Variants in TRHR observed in about 807,000 individuals in gnomAD.
The protein encoded by TRHR is thyrotropin-releasing hormone receptor.
TRHR carries 14 observed loss-of-function variants against 28.0 expected under a neutral mutation model. The observed-to-expected ratio is 0.50, with a 90% CI of 0.33 to 0.78. The LOEUF (loss-of-function observed/expected upper bound fraction) is 0.78, where lower values mean the gene tolerates loss of function less well. Ranked by LOEUF, TRHR falls within the 30% of genes least tolerant of loss-of-function variation. TRHR has a pLI of 0.02. For missense variants in TRHR, 438 were observed against 469.5 expected, an observed-to-expected ratio of 0.93 and a Z score of 0.62; for synonymous variants, 176 against 171.9, an observed-to-expected ratio of 1.02 and a Z score of -0.18.
intron 2 of TRHR, among the ~76,000 whole-genome samples, chr8:109,108,466 T>C (rs1268341015): frequency 6.6e-6 from 1 of 152,090 alleles, no homozygotes; most frequent in East Asian, 1.9e-4. Flanking sequence ...TTCAGAGAAG[T>C]GTTACAGCTA....
Position 109,119,457 on chromosome 8 carries a change from T to A in TRHR, c.*2T>A, listed in dbSNP as rs778523868. 3.1e-6 allele frequency: 5 copies of A among 1,611,418 alleles called. No homozygotes were observed. In the South Asian group the frequency reaches 5.5e-5, roughly 18 times the overall value. ...GAGGTATCCTTTAGCCAAAGTTGAT[T>A]CATGAATTAGAAGAAAATGGATGAC... On this transcript the variant is annotated 3_prime_UTR_variant, in exon 3 of 3. Coordinates refer to ENST00000518632, the MANE Select transcript of TRHR (RefSeq NM_003301.7).
At chr8:109,099,795 C>T (rs1811649101) in intron 2 of TRHR, among the ~76,000 whole-genome samples, 1 of 152,204 alleles carries the variant, frequency 6.6e-6, no homozygotes, top group South Asian at 2.1e-4. Context: ...GGATAGATTG[C>T]TCTGAATATA....
In TRHR at chr8:109,120,680, G is replaced by A. The variant is rs947282646; in HGVS notation, c.*1225G>A. 3.5e-4 allele frequency among the ~76,000 whole-genome samples: 53 copies of A among 151,812 alleles called. No homozygotes were observed. The highest frequency in any genetic ancestry group is 1.2e-3 in the African/African-American group (49 of 41,474). ...ACTGATTTCATCATATTATCAGTAT[G>A]TCATCTTTATATTTATGACTGACAT... On this transcript the variant is annotated 3_prime_UTR_variant, in exon 3 of 3. Transcript: ENST00000518632.
At position 109,119,858 on chromosome 8, in the gene TRHR, T is replaced by G. The variant is rs1378144587; in HGVS notation, c.*403T>G. On this transcript the variant is annotated 3_prime_UTR_variant, in exon 3 of 3. Transcript: ENST00000518632. ...TTATACATTCGATAATTTGACAACA[T>G]GCAGATTTTTAAATGTTTGCATTTA... Among the ~76,000 whole-genome samples, 2 of 151,914 alleles carry G rather than the reference T, an allele frequency of 1.3e-5. No individual in the cohort carries two copies. The highest frequency in any genetic ancestry group is 3.9e-4 in the East Asian group (2 of 5,166).
At chr8:109,089,034 C>G (rs1811486109) in intron 2 of TRHR, among the ~76,000 whole-genome samples, 1 of 152,140 alleles carries the variant, frequency 6.6e-6, no homozygotes, top group Non-Finnish European at 1.5e-5. Context: ...TTTTAGATCA[C>G]CTGAATGTGC....
At chr8:109,117,304 C>T (rs994214772) in intron 2 of TRHR, among the ~76,000 whole-genome samples, 2 of 152,036 alleles carry the variant, frequency 1.3e-5, no homozygotes, top group African/African-American at 2.4e-5. Flanking sequence ...TCACTTACTA[C>T]TCATGTGTCT....
intron 2 of TRHR, among the ~76,000 whole-genome samples, chr8:109,091,342 G>C (rs1287951696): frequency 6.6e-6 from 1 of 152,148 alleles, no homozygotes; most frequent in Non-Finnish European, 1.5e-5. Flanking sequence ...CCGATCAGTG[G>C]GAATGAGAAC....
intron 2 of TRHR, among the ~76,000 whole-genome samples, chr8:109,091,988 C>T (rs929354654): frequency 6.6e-6 from 1 of 152,204 alleles, no homozygotes; most frequent in African/African-American, 2.4e-5. Context: ...TACAATATCT[C>T]TATCATTGAC....
rs1811469817 is a variant in TRHR at position 109,088,229 on chromosome 8, C to T, written c.717C>T (p.Thr239=). The change falls in exon 2 of 3, where the codon ACC becomes ACT. Residue 239 remains threonine, a synonymous_variant. Transcript: ENST00000518632. ...CTAAGACATGGAAAAATGATTCAACCCATCAGAACACAAATCTGAATGTAA... is the reference window on the plus strand; with the variant it reads ...CTAAGACATGGAAAAATGATTCAACTCATCAGAACACAAATCTGAATGTAA... The part of the protein sequence containing the change: ...ENSKTWKNDS[T]HQNTNLNVNT... 6.2e-7 allele frequency: 1 copy of T among 1,613,996 alleles called. No homozygotes were observed. The highest frequency in any genetic ancestry group is 8.5e-7 in the Non-Finnish European group (1 of 1,180,002).
chr8:109,110,969 A>G (rs1163810584), intron 2 of TRHR, among the ~76,000 whole-genome samples: 1 of 152,166 alleles, frequency 6.6e-6, no homozygotes, highest in Non-Finnish European at 1.5e-5. Context: ...CAGCCTGGCC[A>G]ACATGGTAAA....
At position 109,087,871 on chromosome 8, in the gene TRHR, C is replaced by G. The variant is rs1301803146; in HGVS notation, c.359C>G (p.Thr120Ser). The G allele has an allele frequency of 6.2e-7, 1 of 1,614,194 alleles. No homozygotes were observed. The highest frequency in any genetic ancestry group is 8.5e-7 in the Non-Finnish European group (1 of 1,180,040). ...TCCTCTTGTTCAATAACAGCCTTTACCATTGAGAGGTACATAGCAATCTGT... is the reference window on the plus strand; with the variant it reads ...TCCTCTTGTTCAATAACAGCCTTTAGCATTGAGAGGTACATAGCAATCTGT... ...NASSCSITAF[T>S]IERYIAICHP... The change falls in exon 2 of 3, where the codon ACC becomes AGC. Residue 120 changes from threonine to serine, a missense_variant. Physicochemically the swap from Thr to Ser is moderately conservative, Grantham distance 58. Transcript: ENST00000518632.
chr8:109,110,079 GC>G (rs1242968677), intron 2 of TRHR, among the ~76,000 whole-genome samples: 1 of 152,092 alleles, frequency 6.6e-6, no homozygotes, highest in African/African-American at 2.4e-5. Context: ...GGTGCATGCA[GC>G]CCCCCTGAGA....
In TRHR at chr8:109,087,821, C is replaced by G; in HGVS notation, c.309C>G (p.Tyr103Ter). The change falls in exon 2 of 3, where the codon TAC becomes TAG. Residue 103 changes from tyrosine (Y) to a stop codon, truncating the protein, a stop_gained. Coordinates refer to ENST00000518632, the MANE Select transcript of TRHR (RefSeq NM_003301.7). LOFTEE classifies it high-confidence loss of function. ...YGYVGCLCIT[Y>*]LQYLGINASS... ...ATGTTGGATGCCTCTGCATTACTTACCTCCAGTATTTGGGAATTAATGCAT... is the reference window on the plus strand; with the variant it reads ...ATGTTGGATGCCTCTGCATTACTTAGCTCCAGTATTTGGGAATTAATGCAT... The G allele has an allele frequency of 6.2e-7, 1 of 1,614,200 alleles. No individual in the cohort carries two copies. The highest frequency in any genetic ancestry group is 8.5e-7 in the Non-Finnish European group (1 of 1,180,038).
chr8:109,089,960 A>T (rs1811496990), intron 2 of TRHR, among the ~76,000 whole-genome samples: 1 of 152,198 alleles, frequency 6.6e-6, no homozygotes. Context: ...CAGCATTAAT[A>T]TGCTTTAATT....
intron 2 of TRHR, 28 bp downstream of exon 2, chr8:109,088,329 T>C (rs1299658477): frequency 1.2e-6 from 2 of 1,609,854 alleles, no homozygotes; most frequent in Non-Finnish European, 8.5e-7. Context: ...TCCAAGTCAA[T>C]AGAGGAAATG....
chr8:109,098,226 C>T (rs935844957), intron 2 of TRHR, among the ~76,000 whole-genome samples: 3 of 151,936 alleles, frequency 2.0e-5, no homozygotes, highest in African/African-American at 7.2e-5. Context: ...ACTTCCTGGG[C>T]TCAAGCAATC....
intron 2 of TRHR, among the ~76,000 whole-genome samples, chr8:109,096,354 C>T (rs1293526340): frequency 6.6e-6 from 1 of 152,226 alleles, no homozygotes; most frequent in African/African-American, 2.4e-5. Context: ...GCATTCCTAA[C>T]TACATATATG....
At chr8:109,118,954 A>G in intron 2 of TRHR, 94 bp from the exon 3 acceptor site, 1 of 1,511,424 alleles carries the variant, frequency 6.6e-7, no homozygotes, top group Non-Finnish European at 9.2e-7. Flanking sequence ...CTCAGACTAC[A>G]TTTTGGGAAC....
At chr8:109,095,546 C>T (rs139531805) in intron 2 of TRHR, among the ~76,000 whole-genome samples, 8 of 152,122 alleles carry the variant, frequency 5.3e-5, no homozygotes, top group South Asian at 4.2e-4. Flanking sequence ...ACCTAATTCC[C>T]GCCTCTCCTC....
Sources: allele counts gnomAD v4.1 joint callset (sites outside exome capture counted in the v4.1 genomes callset), GRCh38; gene constraint gnomAD v4.1.1; transcripts MANE v1.5; gene names NCBI Gene and HGNC (gene_info 2026-07-23, HGNC 2026-07-21).